Variants in IFTAP observed in about 807,000 individuals in gnomAD.
The protein encoded by IFTAP is intraflagellar transport associated protein, also known as intraflagellar transport-associated protein.
In IFTAP, 19 loss-of-function variants were observed where a neutral mutation model predicts 19.4. That is an observed-to-expected ratio of 0.98 (90% CI 0.68 to 1.44). The LOEUF is 1.44. Among genes scored for constraint, IFTAP ranks in the 40% most tolerant of loss-of-function variants. The probability of loss-of-function intolerance (pLI) is 0.00; values close to 1 mark genes in which losing one functional copy is unlikely to be tolerated. For missense variants in IFTAP, 240 were observed against 253.6 expected (o/e 0.95, Z 0.36); for synonymous variants, 85 against 83.5 (o/e 1.02, Z -0.10).
At chr11:36,635,943 G>A (rs1228098979) in intron 3 of IFTAP, 108 bp from the exon 4 acceptor site, 4 of 731,724 alleles carry the variant, frequency 5.5e-6, no homozygotes, top group Non-Finnish European at 9.8e-6. Flanking sequence ...TGAGAAAAGT[G>A]GATTCAGCTG....
chr11:36,656,182 C>G lies in IFTAP; in HGVS notation c.499-2837C>G, dbSNP rs145686810. Among the ~76,000 whole-genome samples the G allele has an allele frequency of 6.2e-3, 950 of 152,182 alleles. 11 individuals are homozygous for G. Among genetic ancestry groups the G allele is most frequent in the African/African-American group, 0.022 (921 of 41,510 alleles). ...TTAGAAGTAAGTCCGAAATACAGGC[C>G]TTACTTTATCTGGGTTGCTAGGATG... On this transcript the variant is annotated intron_variant, in intron 5 of 5. Transcript: ENST00000334307.
intron 5 of IFTAP, among the ~76,000 whole-genome samples, chr11:36,649,516 T>G (rs577750899): frequency 6.6e-6 from 1 of 152,158 alleles, no homozygotes; most frequent in Admixed American, 6.6e-5. Context: ...TGGCACCTAG[T>G]ACTTTTATAG....
At chr11:36,654,645 T>C (rs534815237) in intron 5 of IFTAP, among the ~76,000 whole-genome samples, 2 of 152,298 alleles carry the variant, frequency 1.3e-5, no homozygotes, top group Non-Finnish European at 2.9e-5. Flanking sequence ...CACACCTTTT[T>C]TTTCAGTTTC....
At chr11:36,653,693 C>A (rs940124345) in intron 5 of IFTAP, among the ~76,000 whole-genome samples, 2 of 152,170 alleles carry the variant, frequency 1.3e-5, no homozygotes, top group Admixed American at 1.3e-4. Context: ...TTGCGGTATG[C>A]CCCTACCTGG....
At chr11:36,649,452 C>G (rs1049616188) in intron 5 of IFTAP, among the ~76,000 whole-genome samples, 1 of 152,048 alleles carries the variant, frequency 6.6e-6, no homozygotes, top group Non-Finnish European at 1.5e-5. Flanking sequence ...AAGATTTGTT[C>G]ATGCTGTTGA....
chr11:36,615,769 A>T (rs1423640506), intron 2 of IFTAP, among the ~76,000 whole-genome samples: 1 of 149,066 alleles, frequency 6.7e-6, no homozygotes, highest in Non-Finnish European at 1.5e-5. Flanking sequence ...TTGATTTTGT[A>T]TCCTGAGACT....
chr11:36,627,553 T>G (rs1417771187), intron 2 of IFTAP, among the ~76,000 whole-genome samples: 1 of 151,234 alleles, frequency 6.6e-6, no homozygotes, highest in East Asian at 1.9e-4. Flanking sequence ...AGAAAAGGGC[T>G]GTGGTGCAAA....
At chr11:36,602,661 T>C (rs1169165553) in intron 1 of IFTAP, among the ~76,000 whole-genome samples, 1 of 152,166 alleles carries the variant, frequency 6.6e-6, no homozygotes, top group Non-Finnish European at 1.5e-5. Flanking sequence ...CTCATTGATA[T>C]AGTTGATAGC....
chr11:36,639,289 C>T (rs1853097744), intron 4 of IFTAP, among the ~76,000 whole-genome samples: 1 of 150,708 alleles, frequency 6.6e-6, no homozygotes, highest in Admixed American at 6.6e-5. Context: ...GAGATTCATA[C>T]TGTCTTACAC....
intron 3 of IFTAP, among the ~76,000 whole-genome samples, chr11:36,635,013 T>A (rs908136653): frequency 6.6e-6 from 1 of 152,140 alleles, no homozygotes; most frequent in Non-Finnish European, 1.5e-5. Context: ...GAAACCATTA[T>A]GTGGAAGATA....
chr11:36,637,174 TAC>T (rs1852986759), intron 4 of IFTAP, among the ~76,000 whole-genome samples: 1 of 152,196 alleles, frequency 6.6e-6, no homozygotes, highest in African/African-American at 2.4e-5. Context: ...TGACTATCTG[TAC>T]ATTGGTTGTA....
At chr11:36,655,564 C>A (rs1025437841) in intron 5 of IFTAP, among the ~76,000 whole-genome samples, 1 of 152,146 alleles carries the variant, frequency 6.6e-6, no homozygotes, top group Non-Finnish European at 1.5e-5. Context: ...TGTAAAATAT[C>A]TCAATGATTG....
chr11:36,633,223 C>T, intron 2 of IFTAP, 61 bp from the exon 3 acceptor site: 1 of 1,347,002 alleles, frequency 7.4e-7, no homozygotes, highest in Middle Eastern at 2.8e-4. Context: ...TCAATATACA[C>T]AAAATAAACC....
At chr11:36,618,406 A>G (rs1852173696) in intron 2 of IFTAP, among the ~76,000 whole-genome samples, 1 of 151,912 alleles carries the variant, frequency 6.6e-6, no homozygotes, top group South Asian at 2.1e-4. Flanking sequence ...TAGATAATAT[A>G]TGCCAACAGG....
At chr11:36,632,840 A>G (rs1852779748) in intron 2 of IFTAP, among the ~76,000 whole-genome samples, 1 of 151,174 alleles carries the variant, frequency 6.6e-6, no homozygotes, top group South Asian at 2.1e-4. Context: ...CCACTGAAAA[A>G]ACTTTGTTGT....
At chr11:36,633,459 G>A (rs1210897421) in intron 3 of IFTAP, 21 bp downstream of exon 3, 1 of 1,458,074 alleles carries the variant, frequency 6.9e-7, no homozygotes, top group Non-Finnish European at 9.1e-7. Context: ...CATAGTACAT[G>A]TATAGAAACA....
intron 2 of IFTAP, among the ~76,000 whole-genome samples, chr11:36,618,549 T>C (rs1018943914): frequency 2.6e-5 from 4 of 151,930 alleles, no homozygotes; most frequent in Non-Finnish European, 5.9e-5. Flanking sequence ...GGGCAGAATG[T>C]GTAGATGCTT....
At position 36,608,729 on chromosome 11, in the gene IFTAP, A is replaced by G. The variant is rs116638586; in HGVS notation, c.-23-1352A>G. Among the ~76,000 whole-genome samples, 654 of 152,250 alleles carry G rather than the reference A, an allele frequency of 4.3e-3. 4 individuals are homozygous for G. Among genetic ancestry groups the G allele is most frequent in the African/African-American group, 0.015 (603 of 41,536 alleles). ...TGTATAGCATGAGTGGAATATTGAG[A>G]ATGTGAGTCAGTCTAATCTCATCAT... On this transcript the variant is annotated intron_variant, in intron 1 of 5. Transcript: ENST00000334307.
intron 4 of IFTAP, among the ~76,000 whole-genome samples, chr11:36,637,662 A>T (rs762685300): frequency 2.2e-4 from 34 of 152,186 alleles, no homozygotes; most frequent in Admixed American, 3.3e-4. Context: ...GACACCCCCA[A>T]TGATTCTAAT....
Sources: gnomAD v4.1 joint callset for allele counts (sites outside exome capture counted in the v4.1 genomes callset) on GRCh38, gnomAD v4.1.1 for gene constraint, MANE v1.5 for transcripts, NCBI Gene and HGNC (gene_info 2026-07-23, HGNC 2026-07-21) for gene names.